The following ACTR6 variants were observed in gnomAD, a reference collection of about 807,000 sequenced individuals.
ACTR6 encodes the protein actin-related protein 6.
ACTR6 carries 50 observed loss-of-function variants against 52.5 expected under a neutral mutation model. The observed-to-expected ratio is 0.95, with a 90% CI of 0.76 to 1.20. The LOEUF is 1.20. ACTR6 is among the 50% of genes most tolerant of loss of function. ACTR6 has a pLI of 0.00. For synonymous variants in ACTR6, 135 were observed against 147.2 expected, an observed-to-expected ratio of 0.92 and a Z score of 0.60; for missense variants, 344 against 472.4, an observed-to-expected ratio of 0.73 and a Z score of 2.52.
chr12:100,223,703 C>T (rs1014736158), intron 10 of ACTR6, 83 bp from the exon 11 acceptor site: 1 of 1,489,812 alleles, frequency 6.7e-7, no homozygotes, highest in African/African-American at 1.4e-5. Context: ...ATTACTTTTG[C>T]ACCAACCTAA....
intron 2 of ACTR6, 60 bp from the exon 3 acceptor site, chr12:100,205,616 C>G (rs2096113856): frequency 6.9e-6 from 7 of 1,013,656 alleles, no homozygotes; most frequent in Admixed American, 5.4e-5. Flanking sequence ...TATTTATAAT[C>G]TGATTTTTAA....
At chr12:100,217,819 G>A (rs1232528106) in intron 8 of ACTR6, among the ~76,000 whole-genome samples, 1 of 152,088 alleles carries the variant, frequency 6.6e-6, no homozygotes, top group Admixed American at 6.6e-5. Context: ...ATAGAATAGA[G>A]CCACATATCC....
chr12:100,206,020 A>G (rs2096114279), intron 3 of ACTR6, among the ~76,000 whole-genome samples: 1 of 152,246 alleles, frequency 6.6e-6, no homozygotes, highest in Admixed American at 6.5e-5. Flanking sequence ...ATATCTAAAT[A>G]CATGAATATT....
chr12:100,224,137 C>T lies in ACTR6; in HGVS notation c.*222C>T. ...TAGGAGCTAGACTACCATAACAATG[C>T]TTATGCTGTTTCCAAGGGTAGGTTA... On this transcript the variant is annotated 3_prime_UTR_variant, in exon 11 of 11. Transcript: ENST00000188312. The T allele has an allele frequency of 2.8e-6, 1 of 352,382 alleles. No individual in the cohort carries two copies. Among genetic ancestry groups the T allele is most frequent in the Non-Finnish European group, 5.0e-6 (1 of 200,034 alleles). 21.8% of individuals were successfully genotyped at this position (352,382 alleles called of 1,614,324 possible).
intron 1 of ACTR6, 93 bp downstream of exon 1, chr12:100,201,012 C>A: frequency 6.3e-7 from 1 of 1,598,152 alleles, no homozygotes; most frequent in South Asian, 1.1e-5. Flanking sequence ...ACTGCAGACA[C>A]CCCCGCGCGG....
chr12:100,210,156 A>T lies in ACTR6; in HGVS notation c.463A>T (p.Thr155Ser). The T allele has an allele frequency of 2.5e-6, 4 of 1,608,704 alleles. No individual in the cohort carries two copies. The highest frequency in any genetic ancestry group is 2.6e-6 in the Non-Finnish European group (3 of 1,176,392). ...CATTGTTGATAGTGGATATTCCTTT[A>T]CACATATAGTTCCTTATTGTAGAAG... ...CIIVDSGYSF[T>S]HIVPYCRSKK... The change falls in exon 5 of 11, where the codon ACA becomes TCA. Residue 155 changes from threonine (T) to serine (S), a missense_variant. Coordinates refer to ENST00000188312, the MANE Select transcript of ACTR6 (RefSeq NM_022496.5).
intron 8 of ACTR6, among the ~76,000 whole-genome samples, chr12:100,216,613 A>C (rs2153900749): frequency 6.6e-6 from 1 of 152,330 alleles, no homozygotes; most frequent in South Asian, 2.1e-4. Context: ...GATAACCTCT[A>C]ATGTTTTGTC....
intron 2 of ACTR6, 52 bp downstream of exon 2, chr12:100,205,109 G>A: frequency 9.0e-7 from 1 of 1,117,002 alleles, no homozygotes; most frequent in Non-Finnish European, 1.3e-6. Flanking sequence ...TAAATTTAAA[G>A]ATAATTTTAA....
At chr12:100,206,522 ATTTTC>A (rs754341835) in intron 3 of ACTR6, among the ~76,000 whole-genome samples, 12 of 151,580 alleles carry the variant, frequency 7.9e-5, no homozygotes, top group Non-Finnish European at 1.6e-4. Flanking sequence ...TTTTATTATG[ATTTTC>A]TTTTCTTTTT....
chr12:100,214,695 A>G (rs2096122648), intron 8 of ACTR6, among the ~76,000 whole-genome samples: 1 of 152,170 alleles, frequency 6.6e-6, no homozygotes, highest in Non-Finnish European at 1.5e-5. Flanking sequence ...TGATCATTTC[A>G]CTGCACTCCA....
rs2096119345 is a variant in ACTR6 at position 100,210,914 on chromosome 12, G to A, written c.572+563G>A. On this transcript the variant is annotated intron_variant, in intron 6 of 10. Transcript: ENST00000188312. ...ACTCCTTTGTATTTGCTCCCTGACT[G>A]TGTCGCTGACCCCTGGCAACTACTA... Among the ~76,000 whole-genome samples, 4 of 152,088 alleles carry A rather than the reference G, an allele frequency of 2.6e-5. No individual in the cohort carries two copies. In the South Asian group the frequency reaches 8.3e-4, roughly 32 times the overall value.
At chr12:100,221,024 A>AC (rs1566298547) in intron 10 of ACTR6, among the ~76,000 whole-genome samples, 5 of 152,044 alleles carry the variant, frequency 3.3e-5, no homozygotes, top group East Asian at 1.9e-4. Flanking sequence ...AAAAAAAAAA[A>AC]AACAAAAAAA....
Position 100,218,286 on chromosome 12 carries a change from C to A in ACTR6, c.751-129C>A. Reference sequence around the variant, plus strand: ...ACACATTCTTCTAAATTTTGAGAATCCTGAAACTTCCAAGAACATTATTAA... The same window carrying A: ...ACACATTCTTCTAAATTTTGAGAATACTGAAACTTCCAAGAACATTATTAA... On this transcript the variant is annotated intron_variant, in intron 8 of 10. Transcript: ENST00000188312. The surrounding 1 kb of genome is among the most constrained non-coding windows in gnomAD (Gnocchi z 4.2). 1.7e-6 allele frequency: 1 copy of A among 581,094 alleles called. No homozygotes were observed. Among genetic ancestry groups the A allele is most frequent in the Non-Finnish European group, 2.4e-6 (1 of 410,310 alleles). 36.0% of individuals were successfully genotyped at this position (581,094 alleles called of 1,614,324 possible). A position where few individuals can be genotyped will look rare whatever the true frequency, so the allele number is the denominator to read the frequency against.
At chr12:100,201,046 C>G in intron 1 of ACTR6, 127 bp downstream of exon 1, 1 of 1,552,060 alleles carries the variant, frequency 6.4e-7, no homozygotes, top group Non-Finnish European at 8.7e-7. Flanking sequence ...AGAGGGATTC[C>G]CTGGTTGGAG....
chr12:100,213,221 T>C (rs2096121422), intron 8 of ACTR6, among the ~76,000 whole-genome samples: 1 of 152,022 alleles, frequency 6.6e-6, no homozygotes, highest in Non-Finnish European at 1.5e-5. Flanking sequence ...GCCTCCAGAG[T>C]TGCTGTGATT....
Position 100,218,041 on chromosome 12 carries a change from A to G in ACTR6, c.751-374A>G, listed in dbSNP as rs1279805452. The stretch of plus-strand genomic sequence containing the variant: ...TTTTTTAAGAGACGGGGGTCTCGCT[A>G]TGTTTCCCAGGCTGTCTTGAACTCC... On this transcript the variant is annotated intron_variant, in intron 8 of 10. Transcript: ENST00000188312. This position sits in a 1 kb window ranked among gnomAD's most constrained non-coding sequence, Gnocchi z 4.2. Among the ~76,000 whole-genome samples the G allele has an allele frequency of 2.0e-5, 3 of 151,870 alleles. No individual in the cohort carries two copies. The highest frequency in any genetic ancestry group is 3.9e-4 in the East Asian group (2 of 5,166).
chr12:100,200,906 C>T lies in ACTR6; in HGVS notation c.55C>T (p.His19Tyr). 1 of 1,614,092 alleles carries T rather than the reference C, an allele frequency of 6.2e-7. No individual in the cohort carries two copies. The highest frequency in any genetic ancestry group is 8.5e-7 in the Non-Finnish European group (1 of 1,180,002). The change falls in exon 1 of 11, where the codon CAT becomes TAT. Residue 19 changes from histidine to tyrosine, a missense_variant. Transcript: ENST00000188312. The part of the protein sequence containing the change: ...GAYNAKIGYS[H>Y]ENVSVIPNCQ... ...TTACAACGCCAAAATCGGTTACAGC[C>T]ATGAAAATGTGTCGTAAGTACTTTC...
At chr12:100,204,890 T>C (rs769239726) in intron 1 of ACTR6, 50 bp from the exon 2 acceptor site, 1 of 1,252,204 alleles carries the variant, frequency 8.0e-7, no homozygotes, top group Admixed American at 1.9e-5. Flanking sequence ...GTAAAAATGT[T>C]TTTAGGAACT....
In ACTR6 at chr12:100,207,667, A is replaced by AT. The variant is rs780692466; in HGVS notation, c.266dup (p.Leu89PhefsTer4). The AT allele has an allele frequency of 4.7e-6, 7 of 1,503,846 alleles. No individual in the cohort carries two copies. The highest frequency in any genetic ancestry group is 2.3e-5 in the East Asian group (1 of 42,978). 93.2% of individuals were successfully genotyped at this position (1,503,846 alleles called of 1,614,324 possible). On this transcript the variant is annotated frameshift_variant, in exon 4 of 11. Transcript: ENST00000188312. LOFTEE classifies it high-confidence loss of function. ...TTGGAATGTTTTCTCCTATAGGTTG[A>AT]TTTTTTAGATACTAATATTATTATC...
Sources: allele counts gnomAD v4.1 joint callset (sites outside exome capture counted in the v4.1 genomes callset), GRCh38; gene constraint gnomAD v4.1.1; non-coding constraint Gnocchi (gnomAD v3.1); transcripts MANE v1.5; gene names NCBI Gene and HGNC (gene_info 2026-07-23, HGNC 2026-07-21).